The following IARS2 variants were observed in gnomAD, a reference collection of about 807,000 sequenced individuals.
IARS2 encodes the protein isoleucine--tRNA ligase, mitochondrial.
A neutral mutation model predicts 126.3 loss-of-function variants in IARS2; 56 were observed. The ratio of observed to expected loss-of-function variants is 0.44; its 90% CI spans 0.36 to 0.55. The LOEUF is 0.55. IARS2 is among the 20% of genes least tolerant of loss of function. The pLI, the probability that IARS2 is intolerant of heterozygous loss-of-function variation, is 0.00. For synonymous variants in IARS2, 407 were observed against 441.1 expected, an observed-to-expected ratio of 0.92 and a Z score of 0.97; for missense variants, 1,127 against 1,245.9, an observed-to-expected ratio of 0.90 and a Z score of 1.44.
chr1:220,094,458 C>A lies in IARS2; in HGVS notation c.242C>A (p.Pro81Gln). ...ATGAAGCTGCTGGGCCGCCAGCAGCCGGACACGGAGCTGGAGATCCAGCAG... is the reference window on the plus strand; with the variant it reads ...ATGAAGCTGCTGGGCCGCCAGCAGCAGGACACGGAGCTGGAGATCCAGCAG... Reference protein sequence around the residue: ...FPMKLLGRQQPDTELEIQQKC... With the variant: ...FPMKLLGRQQQDTELEIQQKC... The change falls in exon 1 of 23, where the codon CCG (proline) becomes CAG (glutamine). Residue 81 changes from proline to glutamine, a missense_variant. Transcript: ENST00000366922. 6.2e-7 allele frequency: 1 copy of A among 1,609,852 alleles called. No homozygotes were observed. Among genetic ancestry groups the A allele is most frequent in the Non-Finnish European group, 8.5e-7 (1 of 1,178,472 alleles).
At chr1:220,141,999 T>G (rs749415096) in intron 20 of IARS2, 51 bp downstream of exon 20, 4 of 1,550,900 alleles carry the variant, frequency 2.6e-6, no homozygotes, top group Non-Finnish European at 3.5e-6. Context: ...CTGATCAAGG[T>G]GCAACTTCTA....
intron 8 of IARS2, 49 bp downstream of exon 8, chr1:220,103,611 G>T: frequency 8.4e-7 from 1 of 1,197,562 alleles, no homozygotes; most frequent in South Asian, 1.2e-5. Context: ...GTATTGGGCT[G>T]ACTTGAATTT....
At chr1:220,138,576 AT>A (rs1490478164) in intron 17 of IARS2, among the ~76,000 whole-genome samples, 2 of 151,406 alleles carry the variant, frequency 1.3e-5, no homozygotes, top group African/African-American at 4.8e-5. Context: ...TTTTATTAAT[AT>A]ATAAAATGTA....
intron 9 of IARS2, among the ~76,000 whole-genome samples, 169 bp downstream of exon 9, chr1:220,106,229 A>C (rs988079181): frequency 6.6e-6 from 1 of 152,240 alleles, no homozygotes; most frequent in African/African-American, 2.4e-5. Flanking sequence ...TAATTGAAAA[A>C]GATTTCCCAG....
At chr1:220,128,904 A>AT (rs35869552) in intron 14 of IARS2, among the ~76,000 whole-genome samples, 37,346 of 144,368 alleles carry the variant, frequency 0.26, 5,102 homozygotes, top group Admixed American at 0.31. Flanking sequence ...CTAGAGTGTG[A>AT]TTTTTTTTTT....
intron 21 of IARS2, among the ~76,000 whole-genome samples, chr1:220,144,966 A>C (rs1381539454): frequency 6.6e-6 from 1 of 152,192 alleles, no homozygotes; most frequent in Non-Finnish European, 1.5e-5. Context: ...TTCATCAGAC[A>C]AATTCAGTCT....
intron 10 of IARS2, among the ~76,000 whole-genome samples, chr1:220,108,220 C>A (rs1447622224): frequency 6.6e-6 from 1 of 151,780 alleles, no homozygotes; most frequent in African/African-American, 2.4e-5. Context: ...CACCACTACT[C>A]CTGGCTAATT....
chr1:220,140,372 G>A (rs1008284072), intron 19 of IARS2, 83 bp downstream of exon 19: 4 of 815,690 alleles, frequency 4.9e-6, no homozygotes, highest in African/African-American at 1.7e-5. Context: ...TTGGGAGGCC[G>A]AGGCGGGTGG....
intron 7 of IARS2, 31 bp from the exon 8 acceptor site, chr1:220,103,416 A>G (rs1558120241): frequency 1.7e-6 from 2 of 1,192,436 alleles, no homozygotes; most frequent in South Asian, 1.3e-5. Context: ...TTGTTTCATT[A>G]TTAGTAATTT....
chr1:220,114,517 AT>A lies in IARS2; in HGVS notation c.1640+49del, dbSNP rs1172860317. ...ATTTTTTAGTGTTTTAAAGTGAAAT[AT>A]TTTTTCTTCAAAAATTGAAAAATAA... On this transcript the variant is annotated intron_variant, in intron 12 of 22. Coordinates refer to ENST00000366922, the MANE Select transcript of IARS2 (RefSeq NM_018060.4). The A allele has an allele frequency of 8.8e-6, 13 of 1,479,236 alleles. No homozygotes were observed. In the Middle Eastern group the frequency reaches 1.8e-3, roughly 200 times the overall value. The allele number at this position is 1,479,236 out of a possible 1,614,324, so 91.6% of individuals were successfully genotyped here.
At position 220,103,494 on chromosome 1, in the gene IARS2, C is replaced by T. The variant is rs945246819; in HGVS notation, c.998C>T (p.Ala333Val). The change falls in exon 8 of 23, where the codon GCG becomes GTG. Residue 333 changes from alanine to valine, a missense_variant. By Grantham distance (64) the Ala-to-Val change is moderately conservative. Transcript: ENST00000366922. ...AAGTCTGGAGACCTCTACGTACTGG[C>T]GGCAGATAAAGTAGCATCTGTTGCT... ...CSKSGDLYVL[A>V]ADKVASVAST... The T allele has an allele frequency of 6.8e-6, 11 of 1,613,024 alleles. No individual in the cohort carries two copies. Among genetic ancestry groups the T allele is most frequent in the African/African-American group, 4.0e-5 (3 of 74,900 alleles).
intron 22 of IARS2, among the ~76,000 whole-genome samples, chr1:220,146,862 G>T (rs1657605074): frequency 6.6e-6 from 1 of 151,902 alleles, no homozygotes; most frequent in Non-Finnish European, 1.5e-5. Flanking sequence ...AGTAGAGATG[G>T]GGTTTCACCA....
chr1:220,120,231 G>A (rs1275938795), intron 12 of IARS2, among the ~76,000 whole-genome samples: 4 of 151,956 alleles, frequency 2.6e-5, no homozygotes, highest in Non-Finnish European at 5.9e-5. Context: ...ACAGGCTTGC[G>A]CCACTATGCC....
intron 13 of IARS2, 72 bp from the exon 14 acceptor site, chr1:220,126,678 T>G: frequency 9.3e-7 from 1 of 1,070,058 alleles, no homozygotes; most frequent in Non-Finnish European, 1.4e-6. Context: ...TCTGAAGACT[T>G]TTGGGGTACA....
At position 220,103,308 on chromosome 1, in the gene IARS2, A is replaced by C. The variant is rs1571845669; in HGVS notation, c.951-139A>C. 3 of 570,924 alleles carry C rather than the reference A, an allele frequency of 5.3e-6. No individual in the cohort carries two copies. The East Asian group carries it at 8.5e-5, about 16-fold the overall frequency. The allele number at this position is 570,924 out of a possible 1,614,324, so 35.4% of individuals were successfully genotyped here. ...GGTGATCCACCTGCCTTGGCCTCCCAAAGTGCTGGGATTATAGACATGAGC... is the reference window on the plus strand; with the variant it reads ...GGTGATCCACCTGCCTTGGCCTCCCCAAGTGCTGGGATTATAGACATGAGC... On this transcript the variant is annotated intron_variant, in intron 7 of 22. Transcript: ENST00000366922.
chr1:220,143,957 C>T (rs977427621), intron 21 of IARS2: 3 of 1,327,686 alleles, frequency 2.3e-6, no homozygotes, highest in Middle Eastern at 2.6e-4. Context: ...GTATTACATC[C>T]CTAGAAAAAG....
intron 12 of IARS2, among the ~76,000 whole-genome samples, chr1:220,121,126 A>G (rs1657042716): frequency 6.6e-6 from 1 of 152,166 alleles, no homozygotes; most frequent in South Asian, 2.1e-4. Flanking sequence ...ATGTTGTTTT[A>G]TTTACAGTAG....
At chr1:220,097,701 T>C (rs529121990) in intron 2 of IARS2, among the ~76,000 whole-genome samples, 1 of 152,188 alleles carries the variant, frequency 6.6e-6, no homozygotes, top group South Asian at 2.1e-4. Flanking sequence ...TTGAATCTCA[T>C]TGGCCTGATT....
At chr1:220,117,051 C>T (rs1656926997) in intron 12 of IARS2, among the ~76,000 whole-genome samples, 1 of 151,080 alleles carries the variant, frequency 6.6e-6, no homozygotes, top group Admixed American at 6.6e-5. Flanking sequence ...CAGCCTCAGA[C>T]TTAGTTTAAA....
Sources: gnomAD v4.1 joint callset for allele counts (sites outside exome capture counted in the v4.1 genomes callset) on GRCh38, gnomAD v4.1.1 for gene constraint, MANE v1.5 for transcripts, NCBI Gene and HGNC (gene_info 2026-07-23, HGNC 2026-07-21) for gene names.